Variants in FGF14 observed in about 807,000 individuals in gnomAD.
The protein encoded by FGF14 is fibroblast growth factor 14.
FGF14 carries 5 observed loss-of-function variants against 25.5 expected under a neutral mutation model. That is an observed-to-expected ratio of 0.20 (90% CI 0.10 to 0.41). The LOEUF is 0.41. FGF14 is among the 10% of genes least tolerant of loss of function. FGF14 has a pLI of 1.00. For missense variants in FGF14, 222 were observed against 320.1 expected, an observed-to-expected ratio of 0.69 and a Z score of 2.34; for synonymous variants, 138 against 118.3, an observed-to-expected ratio of 1.17 and a Z score of -1.08.
chr13:102,267,803 C>T lies in FGF14; in HGVS notation c.208+133668G>A, dbSNP rs187400133. Among the ~76,000 whole-genome samples, 336 of 152,116 alleles carry T rather than the reference C, an allele frequency of 2.2e-3. 2 individuals carry two copies. Among genetic ancestry groups the T allele is most frequent in the Middle Eastern group, 0.01 (3 of 294 alleles). Reference sequence around the variant, plus strand: ...TAAAATTTGGGGGTAAAAGAAAATACAAACATAGTAATTTCTAAGTTTCAA... The same window carrying T: ...TAAAATTTGGGGGTAAAAGAAAATATAAACATAGTAATTTCTAAGTTTCAA... On this transcript the variant is annotated intron_variant, in intron 1 of 4. Coordinates refer to the FGF14 transcript ENST00000376131.
At chr13:102,099,565 A>G (rs148096247) in intron 1 of FGF14, among the ~76,000 whole-genome samples, 34 of 148,992 alleles carry the variant, frequency 2.3e-4, no homozygotes, top group African/African-American at 8.1e-4. Context: ...TGCTGGCCCC[A>G]TTTTTTTTTT....
intron 1 of FGF14, among the ~76,000 whole-genome samples, chr13:102,247,284 C>A (rs2051924051): frequency 6.6e-6 from 1 of 152,106 alleles, no homozygotes. Flanking sequence ...AAAATATCAA[C>A]AGAGTGAACA....
chr13:101,820,789 CACACACACACACACACA>C (rs1566940601), intron 3 of FGF14, among the ~76,000 whole-genome samples: 1 of 30,118 alleles, frequency 3.3e-5, no homozygotes, highest in Admixed American at 4.3e-4. Context: ...CACACACACA[CACACACACACACACACA>C]ACACACACAC....
chr13:102,314,468 C>G (rs2055922983), intron 1 of FGF14, among the ~76,000 whole-genome samples: 1 of 152,080 alleles, frequency 6.6e-6, no homozygotes, highest in Non-Finnish European at 1.5e-5. Flanking sequence ...CTTCAACAAA[C>G]CGAACATATT....
chr13:102,135,765 C>T (rs2046385408), intron 1 of FGF14, among the ~76,000 whole-genome samples: 1 of 152,120 alleles, frequency 6.6e-6, no homozygotes, highest in Admixed American at 6.6e-5. Context: ...AAGTGATTCT[C>T]CTACCTCAGC....
intron 3 of FGF14, among the ~76,000 whole-genome samples, chr13:101,749,136 C>T (rs532319745): frequency 2.6e-5 from 4 of 151,974 alleles, no homozygotes; most frequent in African/African-American, 4.8e-5. Flanking sequence ...ATTAGAATTG[C>T]GGTTGCCGGT....
intron 1 of FGF14, among the ~76,000 whole-genome samples, chr13:102,144,094 T>C (rs1279472451): frequency 1.3e-5 from 2 of 152,180 alleles, no homozygotes; most frequent in African/African-American, 2.4e-5. Flanking sequence ...TAGCTCACTA[T>C]AGCCTTAACC....
intron 1 of FGF14, among the ~76,000 whole-genome samples, chr13:101,977,586 A>C (rs1051497088): frequency 5.9e-5 from 9 of 152,020 alleles, no homozygotes; most frequent in African/African-American, 2.2e-4. Context: ...CTTTCTTTTT[A>C]TGTTTTTAAT....
intron 1 of FGF14, among the ~76,000 whole-genome samples, chr13:102,280,920 G>C (rs973066322): frequency 2.0e-5 from 3 of 152,122 alleles, no homozygotes; most frequent in Non-Finnish European, 4.4e-5. Flanking sequence ...TACATTTCAA[G>C]GGAACCTAAC....
intron 1 of FGF14, among the ~76,000 whole-genome samples, chr13:101,968,639 A>AG (rs2037380311): frequency 1.4e-5 from 2 of 144,406 alleles, no homozygotes. Flanking sequence ...TGCCACTGCA[A>AG]TCCAGCCTGG....
At chr13:101,778,177 C>T (rs182673903) in intron 3 of FGF14, among the ~76,000 whole-genome samples, 2 of 152,156 alleles carry the variant, frequency 1.3e-5, no homozygotes, top group Non-Finnish European at 2.9e-5. Context: ...TGTTATTTTA[C>T]CCAGTTGGAA....
At chr13:102,161,986 A>T (rs2047798097) in intron 1 of FGF14, among the ~76,000 whole-genome samples, 1 of 152,104 alleles carries the variant, frequency 6.6e-6, no homozygotes, top group Admixed American at 6.6e-5. Context: ...AGCCTTTCTG[A>T]TGTGTTAATA....
intron 1 of FGF14, among the ~76,000 whole-genome samples, chr13:102,167,589 T>C (rs538514818): frequency 2.0e-4 from 30 of 152,272 alleles, no homozygotes; most frequent in Admixed American, 1.9e-3. Flanking sequence ...TGTGTCTCTA[T>C]GTGAATCATT....
rs5806272 is a variant in FGF14 at position 102,132,515 on chromosome 13, CTTTT to C, written c.209-257223_209-257220del. ...AAGGCATACTTTTCTTTCTTTCTTT[CTTTT>C]TTTTTTTTTTTGAGACAGAGTGCCC... On this transcript the variant is annotated intron_variant, in intron 1 of 4. Coordinates refer to the FGF14 transcript ENST00000376131. Among the ~76,000 whole-genome samples, 235 of 112,690 alleles carry C rather than the reference CTTTT, an allele frequency of 2.1e-3. 1 individual carries two copies. Among genetic ancestry groups the C allele is most frequent in the African/African-American group, 6.9e-3 (216 of 31,520 alleles). The allele number at this position is 112,690 out of a possible 152,430, so 73.9% of individuals were successfully genotyped here.
intron 1 of FGF14, among the ~76,000 whole-genome samples, chr13:101,954,699 AGTGT>A (rs5806259): frequency 6.7e-4 from 101 of 150,864 alleles, no homozygotes; most frequent in Middle Eastern, 6.8e-3. Context: ...ATTCACTGAA[AGTGT>A]GTGTGTGTGT....
chr13:101,997,205 C>T (rs1276885383), intron 1 of FGF14, among the ~76,000 whole-genome samples: 2 of 151,052 alleles, frequency 1.3e-5, no homozygotes, highest in South Asian at 2.1e-4. Context: ...TGTTCCATGA[C>T]AGCAGGGCCT....
chr13:102,085,122 C>G (rs1010176097), intron 1 of FGF14, among the ~76,000 whole-genome samples: 9 of 152,188 alleles, frequency 5.9e-5, no homozygotes, highest in Non-Finnish European at 5.9e-5. Context: ...TCCTCTGCCC[C>G]CTTTGTGCAA....
intron 1 of FGF14, among the ~76,000 whole-genome samples, chr13:102,296,303 T>C (rs953644098): frequency 2.2e-4 from 34 of 152,132 alleles, no homozygotes; most frequent in African/African-American, 7.7e-4. Flanking sequence ...AAAAATTGTT[T>C]CTTAGGATTT....
chr13:102,170,706 A>G (rs2048211274), intron 1 of FGF14, among the ~76,000 whole-genome samples: 1 of 152,196 alleles, frequency 6.6e-6, no homozygotes, highest in African/African-American at 2.4e-5. Flanking sequence ...AAAACCTCCA[A>G]TGACATTTCA....
Sources: allele counts gnomAD v4.1 joint callset (sites outside exome capture counted in the v4.1 genomes callset), GRCh38; gene constraint gnomAD v4.1.1; transcripts MANE v1.5; gene names NCBI Gene and HGNC (gene_info 2026-07-23, HGNC 2026-07-21).